Variants in EDIL3 observed in about 807,000 individuals in gnomAD.
EDIL3 encodes EGF-like repeat and discoidin I-like domain-containing protein 3.
In EDIL3, 37 loss-of-function variants were observed where a neutral mutation model predicts 67.4. The ratio of observed to expected loss-of-function variants is 0.55; its 90% CI spans 0.42 to 0.72. The LOEUF (loss-of-function observed/expected upper bound fraction) is 0.72. EDIL3 is among the 30% of genes least tolerant of loss of function. The pLI is 0.00. For missense variants in EDIL3, 527 were observed against 586.3 expected (o/e 0.90, Z 1.04); for synonymous variants, 195 against 196.3 (o/e 0.99, Z 0.05).
intron 3 of EDIL3, among the ~76,000 whole-genome samples, chr5:84,196,016 T>C (rs1157995842): frequency 2.6e-5 from 4 of 151,946 alleles, no homozygotes; most frequent in African/African-American, 7.2e-5. Context: ...TATAAGAGCA[T>C]GACATTCCTA....
chr5:84,367,292 A>G (rs1480268151), intron 1 of EDIL3, among the ~76,000 whole-genome samples: 1 of 151,600 alleles, frequency 6.6e-6, no homozygotes, highest in Non-Finnish European at 1.5e-5. Flanking sequence ...TTTTTTTGAG[A>G]CAGGGTCTTG....
intron 10 of EDIL3, among the ~76,000 whole-genome samples, chr5:83,951,425 C>G (rs1580248979): frequency 6.6e-6 from 1 of 151,898 alleles, no homozygotes; most frequent in Non-Finnish European, 1.5e-5. Flanking sequence ...AAATTCTTTA[C>G]TACACCACAA....
intron 9 of EDIL3, among the ~76,000 whole-genome samples, chr5:83,967,506 G>T (rs1744717690): frequency 6.6e-6 from 1 of 152,022 alleles, no homozygotes; most frequent in South Asian, 2.1e-4. Flanking sequence ...TAAGGAGAGA[G>T]GATTAAATGA....
In EDIL3 at chr5:84,144,745, TTTATTA is replaced by T. The variant is rs568479736; in HGVS notation, c.356-7397_356-7392del. On this transcript the variant is annotated intron_variant, in intron 4 of 10. Transcript: ENST00000296591. ...GGTATATATTTCCTGGTTTCCTATT[TTTATTA>T]TTATTTATACAATTGCATATTTTAA... 4.1e-4 allele frequency among the ~76,000 whole-genome samples: 63 copies of T among 152,220 alleles called. 1 individual carries two copies. The South Asian group carries it at 0.013, about 32-fold the overall frequency.
intron 1 of EDIL3, among the ~76,000 whole-genome samples, chr5:84,271,641 G>A (rs1745475769): frequency 6.6e-6 from 1 of 151,884 alleles, no homozygotes; most frequent in African/African-American, 2.4e-5. Flanking sequence ...TCTATTTTAT[G>A]TTCACTTAAA....
chr5:84,271,795 TA>T (rs1192614900), intron 1 of EDIL3, among the ~76,000 whole-genome samples: 2 of 152,134 alleles, frequency 1.3e-5, no homozygotes, highest in African/African-American at 2.4e-5. Context: ...TGATAAAATC[TA>T]AAAGCATTTC....
chr5:84,149,110 T>C (rs1367524232), intron 4 of EDIL3, among the ~76,000 whole-genome samples: 1 of 152,054 alleles, frequency 6.6e-6, no homozygotes, highest in Non-Finnish European at 1.5e-5. Context: ...TGGTGAACTC[T>C]AGTGAAAGAG....
chr5:84,241,197 T>C (rs3822634), intron 2 of EDIL3, among the ~76,000 whole-genome samples: 120,928 of 152,128 alleles, frequency 0.79, 48,271 homozygotes, highest in East Asian at 0.95. Context: ...AAAGGCAGAG[T>C]CTTTATCATC....
chr5:84,323,973 A>C (rs1432192352), intron 1 of EDIL3, among the ~76,000 whole-genome samples: 1 of 151,954 alleles, frequency 6.6e-6, no homozygotes, highest in Non-Finnish European at 1.5e-5. Flanking sequence ...TAGAGACTTC[A>C]ATACACCATA....
intron 10 of EDIL3, among the ~76,000 whole-genome samples, chr5:83,954,896 T>G (rs962294300): frequency 6.6e-6 from 1 of 151,816 alleles, no homozygotes; most frequent in African/African-American, 2.4e-5. Context: ...TTCATCAGGT[T>G]CATCACTACC....
chr5:84,064,891 C>G, intron 7 of EDIL3, 47 bp from the exon 8 acceptor site: 1 of 1,567,822 alleles, frequency 6.4e-7, no homozygotes, highest in Non-Finnish European at 8.7e-7. Flanking sequence ...GCTTATTTAC[C>G]TATTTTTACA....
At chr5:84,349,372 A>G (rs2112186972) in intron 1 of EDIL3, among the ~76,000 whole-genome samples, 1 of 152,240 alleles carries the variant, frequency 6.6e-6, no homozygotes, top group South Asian at 2.1e-4. Flanking sequence ...TAATGAATTG[A>G]TCTAGCAAGT....
chr5:84,264,347 GGT>G (rs1400734156), intron 1 of EDIL3, among the ~76,000 whole-genome samples: 26 of 152,138 alleles, frequency 1.7e-4, no homozygotes, highest in African/African-American at 6.3e-4. Context: ...AAGGATAGAA[GGT>G]AACATGCGCA....
At chr5:84,061,539 A>C (rs1264940111) in intron 8 of EDIL3, among the ~76,000 whole-genome samples, 2 of 151,892 alleles carry the variant, frequency 1.3e-5, no homozygotes, top group East Asian at 3.9e-4. Flanking sequence ...ACAAGAGGAC[A>C]CTCCTCCAAC....
chr5:84,154,662 A>G (rs1012741695), intron 4 of EDIL3, among the ~76,000 whole-genome samples: 29 of 148,358 alleles, frequency 2.0e-4, no homozygotes, highest in African/African-American at 6.4e-4. Flanking sequence ...TACTTCTTGA[A>G]GAGGCCTCCT....
At chr5:84,313,390 T>A (rs931754570) in intron 1 of EDIL3, among the ~76,000 whole-genome samples, 5 of 152,190 alleles carry the variant, frequency 3.3e-5, no homozygotes, top group Non-Finnish European at 7.3e-5. Context: ...GAAAAGAGAC[T>A]ATGGCTTTGC....
rs202019618 is a variant in EDIL3 at position 84,254,174 on chromosome 5, T to C, written c.106A>G (p.Ile36Val). 3.1e-6 allele frequency: 5 copies of C among 1,612,590 alleles called. No homozygotes were observed. Among genetic ancestry groups the C allele is most frequent in the Non-Finnish European group, 4.2e-6 (5 of 1,179,212 alleles). ...CDPNPCENGG[I>V]CLPGLADGSF... ...CCATCAGCCAATCCTGGCAAACAGATACCTCCATTTTCACATGGATTGGGA... is the reference window on the plus strand; with the variant it reads ...CCATCAGCCAATCCTGGCAAACAGACACCTCCATTTTCACATGGATTGGGA... Residue 36 changes from isoleucine to valine, a missense_variant, in exon 2 of 11, where the codon ATC becomes GTC. Transcript: ENST00000296591.
chr5:84,022,234 A>T (rs950287942), intron 9 of EDIL3, among the ~76,000 whole-genome samples: 1 of 151,964 alleles, frequency 6.6e-6, no homozygotes, highest in Non-Finnish European at 1.5e-5. Context: ...TGAGATTTAT[A>T]CCAGGGATGC....
chr5:84,206,108 T>C (rs1743972556), intron 3 of EDIL3, among the ~76,000 whole-genome samples: 1 of 151,064 alleles, frequency 6.6e-6, no homozygotes, highest in Admixed American at 6.6e-5. Flanking sequence ...TTCTGGTATG[T>C]TGTGTCTTTG....
Sources: allele counts gnomAD v4.1 joint callset (sites outside exome capture counted in the v4.1 genomes callset), GRCh38; gene constraint gnomAD v4.1.1; transcripts MANE v1.5; gene names NCBI Gene and HGNC (gene_info 2026-07-23, HGNC 2026-07-21).